The following GINS1 variants were observed in gnomAD, a reference collection of about 807,000 sequenced individuals.
The protein encoded by GINS1 is DNA replication complex GINS protein PSF1.
Under a neutral mutation model 34.9 loss-of-function variants are expected in GINS1, and 26 were observed. The observed-to-expected ratio is 0.74, with a 90% CI of 0.55 to 1.03. The LOEUF (loss-of-function observed/expected upper bound fraction) is 1.03. Among genes scored for constraint, GINS1 ranks in the 50% least tolerant of loss-of-function variants. GINS1 has a pLI of 0.00. For missense variants in GINS1, 235 were observed against 237.9 expected, an observed-to-expected ratio of 0.99 and a Z score of 0.08; for synonymous variants, 97 against 84.4, an observed-to-expected ratio of 1.15 and a Z score of -0.82.
At chr20:25,410,873 G>A (rs1357163818) in intron 1 of GINS1, among the ~76,000 whole-genome samples, 1 of 152,062 alleles carries the variant, frequency 6.6e-6, no homozygotes, top group Non-Finnish European at 1.5e-5. Context: ...CAACACACAG[G>A]CTTTTCTTCT....
intron 1 of GINS1, among the ~76,000 whole-genome samples, 171 bp downstream of exon 1, chr20:25,408,066 G>A (rs924644033): frequency 2.0e-5 from 3 of 152,266 alleles, no homozygotes; most frequent in South Asian, 2.1e-4. Context: ...TCATGCTTAC[G>A]CTACCCAGCG....
intron 4 of GINS1, among the ~76,000 whole-genome samples, chr20:25,422,842 TC>T (rs1287744403): frequency 6.6e-6 from 1 of 151,106 alleles, no homozygotes; most frequent in Non-Finnish European, 1.5e-5. Context: ...TGTGGCGTGA[TC>T]TTGGCTGACC....
chr20:25,407,983 GC>G lies in GINS1; in HGVS notation c.75+89del, dbSNP rs2090257929. On this transcript the variant is annotated intron_variant, in intron 1 of 6. Coordinates refer to ENST00000262460, the MANE Select transcript of GINS1 (RefSeq NM_021067.5). The stretch of plus-strand genomic sequence containing the variant: ...CGGCTCCCCGTCAGGGTTCACTTTC[GC>G]ACCTTGTTCCCTCCGAGCTCCGGAA... 4.2e-6 allele frequency: 4 copies of G among 952,792 alleles called. No homozygotes were observed. In the South Asian group the frequency reaches 5.4e-5, roughly 13 times the overall value. The allele number at this position is 952,792 out of a possible 1,614,324, so 59.0% of individuals were successfully genotyped here.
rs878859972 is a variant in GINS1, at chr20:25,407,700, C to A, written c.-121C>A. ...TCGGCGCCAAAGCGCGGAGCGGAGG[C>A]CGAGGCGAGAGCCTGGCGCTGTAGG... On this transcript the variant is annotated 5_prime_UTR_variant, in exon 1 of 7. Coordinates refer to ENST00000262460, the MANE Select transcript of GINS1 (RefSeq NM_021067.5). 26 of 774,862 alleles carry A rather than the reference C, an allele frequency of 3.4e-5. No individual in the cohort carries two copies. Among genetic ancestry groups the A allele is most frequent in the Middle Eastern group, 2.7e-4 (1 of 3,716 alleles). The allele number at this position is 774,862 out of a possible 1,614,324, so 48.0% of individuals were successfully genotyped here. A position where few individuals can be genotyped will look rare whatever the true frequency, so the allele number is the denominator to read the frequency against.
chr20:25,409,975 G>T (rs1188569033), intron 1 of GINS1, among the ~76,000 whole-genome samples: 1 of 152,162 alleles, frequency 6.6e-6, no homozygotes, highest in African/African-American at 2.4e-5. Flanking sequence ...ACTTAGTTTA[G>T]CTCTCTGTTT....
chr20:25,441,100 C>T (rs2090479989), intron 5 of GINS1, among the ~76,000 whole-genome samples: 1 of 152,170 alleles, frequency 6.6e-6, no homozygotes, highest in South Asian at 2.1e-4. Context: ...CCTGTGGCAG[C>T]ACTTAGTGCT....
intron 3 of GINS1, 86 bp from the exon 4 acceptor site, chr20:25,418,019 G>A: frequency 1.3e-6 from 1 of 789,392 alleles, no homozygotes; most frequent in South Asian, 1.4e-5. Context: ...GTTTAGAGCT[G>A]GTGTGTTTGC....
At chr20:25,425,387 G>A (rs2090385257) in intron 5 of GINS1, 60 bp downstream of exon 5, 2 of 743,410 alleles carry the variant, frequency 2.7e-6, no homozygotes, top group Admixed American at 2.1e-5. Flanking sequence ...TACCTTTTAA[G>A]AAGAGAGGAG....
At chr20:25,422,405 C>G (rs1041582017) in intron 4 of GINS1, among the ~76,000 whole-genome samples, 1 of 151,246 alleles carries the variant, frequency 6.6e-6, no homozygotes, top group Non-Finnish European at 1.5e-5. Flanking sequence ...GAAACCCTAT[C>G]TCTACCAAAA....
At position 25,416,650 on chromosome 20, in the gene GINS1, T is replaced by C. The variant is rs536700499; in HGVS notation, c.141-454T>C. On this transcript the variant is annotated intron_variant, in intron 2 of 6. Transcript: ENST00000262460. ...TTTGTAAGATGAGTGAAAGACCATT[T>C]TGACTCCATTTTACCTCACTTTGTT... 9.1e-4 allele frequency among the ~76,000 whole-genome samples: 138 copies of C among 152,346 alleles called. 4 individuals carry two copies. The South Asian group carries it at 0.028, about 31-fold the overall frequency.
rs754669862 is a variant in GINS1 at position 25,418,161 on chromosome 20, C to T, written c.296C>T (p.Pro99Leu). Reference protein sequence around the residue: ...ALRWEYGSVLPNALRFHMAAE... With the variant: ...ALRWEYGSVLLNALRFHMAAE... ...AGATGGGAATATGGTAGCGTCTTGCCAAATGCATTACGATTTCACATGGCT... is the reference window on the plus strand; with the variant it reads ...AGATGGGAATATGGTAGCGTCTTGCTAAATGCATTACGATTTCACATGGCT... The change falls in exon 4 of 7, where the codon CCA becomes CTA. Residue 99 changes from proline to leucine, a missense_variant. Transcript: ENST00000262460. The T allele has an allele frequency of 1.2e-6, 2 of 1,601,422 alleles. No individual in the cohort carries two copies. The highest frequency in any genetic ancestry group is 3.3e-5 in the Admixed American group (2 of 60,004).
rs1421485023 is a variant in GINS1, at chr20:25,440,829, A to AAAAG, written c.448-865_448-862dup. Reference sequence around the variant, plus strand: ...CTGTCTCAAAAAAAAAAAAAAAAAAAAAAGAAAGAAAAAACAGCAAATGCA... The same window carrying AAAAG: ...CTGTCTCAAAAAAAAAAAAAAAAAAAAAAGAAAGAAAGAAAAAACAGCAAATGCA... On this transcript the variant is annotated intron_variant, in intron 5 of 6. Coordinates refer to ENST00000262460, the MANE Select transcript of GINS1 (RefSeq NM_021067.5). Among the ~76,000 whole-genome samples the AAAAG allele has an allele frequency of 3.6e-4, 54 of 150,552 alleles. 2 individuals are homozygous for AAAAG. Among genetic ancestry groups the AAAAG allele is most frequent in the Middle Eastern group, 3.4e-3 (1 of 294 alleles).
intron 5 of GINS1, among the ~76,000 whole-genome samples, chr20:25,428,986 T>C (rs1233198664): frequency 4.2e-5 from 1 of 23,808 alleles, no homozygotes; most frequent in Non-Finnish European, 9.0e-5. Flanking sequence ...TTTTTTTTTT[T>C]TTTTTTTTTT....
chr20:25,427,689 A>G (rs2090399417), intron 5 of GINS1, among the ~76,000 whole-genome samples: 2 of 152,284 alleles, frequency 1.3e-5, no homozygotes, highest in South Asian at 4.1e-4. Context: ...GGAGATTTAG[A>G]AATCCTTTAT....
intron 5 of GINS1, among the ~76,000 whole-genome samples, chr20:25,432,982 C>T (rs909380431): frequency 1.1e-4 from 17 of 151,334 alleles, no homozygotes; most frequent in African/African-American, 3.9e-4. Flanking sequence ...AGTACAGCCA[C>T]CCTGGTTCTC....
intron 2 of GINS1, among the ~76,000 whole-genome samples, chr20:25,416,395 G>A (rs1027443160): frequency 1.3e-5 from 2 of 152,168 alleles, no homozygotes; most frequent in African/African-American, 4.8e-5. Context: ...AGACATGACA[G>A]GATGGGACAT....
At chr20:25,418,566 T>A (rs763918767) in intron 4 of GINS1, among the ~76,000 whole-genome samples, 15 of 152,236 alleles carry the variant, frequency 9.9e-5, no homozygotes, top group Non-Finnish European at 2.1e-4. Flanking sequence ...TAGCCCATTA[T>A]TTAAGGACAT....
At chr20:25,422,934 G>A (rs1243251329) in intron 4 of GINS1, among the ~76,000 whole-genome samples, 2 of 151,528 alleles carry the variant, frequency 1.3e-5, no homozygotes, top group Admixed American at 6.6e-5. Flanking sequence ...GCACCACCAC[G>A]CCTGGCTAAT....
In GINS1 at chr20:25,445,997, C is replaced by T. The variant is rs756150325; in HGVS notation, c.*6C>T. 5.8e-5 allele frequency: 91 copies of T among 1,576,384 alleles called. 1 individual carries two copies. The highest frequency in any genetic ancestry group is 2.0e-4 in the Admixed American group (12 of 58,946). ...TGGAGCACATCCTGTCATGACCATG[C>T]GCCGAGGCACTTCCAGGCTTCACTC... On this transcript the variant is annotated 3_prime_UTR_variant, in exon 7 of 7. Coordinates refer to ENST00000262460, the MANE Select transcript of GINS1 (RefSeq NM_021067.5).
Sources: gnomAD v4.1 joint callset for allele counts (sites outside exome capture counted in the v4.1 genomes callset) on GRCh38, gnomAD v4.1.1 for gene constraint, MANE v1.5 for transcripts, NCBI Gene and HGNC (gene_info 2026-07-23, HGNC 2026-07-21) for gene names.